Variants in ESR1 observed in about 807,000 individuals in gnomAD.
ESR1 encodes estrogen receptor.
Under a neutral mutation model 52.7 loss-of-function variants are expected in ESR1, and 12 were observed. The observed-to-expected ratio is 0.23, with a 90% CI of 0.15 to 0.37. The LOEUF (loss-of-function observed/expected upper bound fraction) is 0.37, where lower values mean the gene tolerates loss of function less well. Ranked by LOEUF, ESR1 falls within the 10% of genes least tolerant of loss-of-function variation. The probability of loss-of-function intolerance (pLI) is 1.00; values close to 1 mark genes in which losing one functional copy is unlikely to be tolerated. For synonymous variants in ESR1, 305 were observed against 316.8 expected (o/e 0.96, Z 0.39); for missense variants, 584 against 779.7 (o/e 0.75, Z 2.99).
At chr6:151,861,003 GC>G (rs987504418) in intron 2 of ESR1, among the ~76,000 whole-genome samples, 1 of 151,872 alleles carries the variant, frequency 6.6e-6, no homozygotes, top group African/African-American at 2.4e-5. Context: ...TTGCTACATT[GC>G]CCTTTTTTGT....
At chr6:151,686,282 A>C (rs1457374099), upstream of ESR1, among the ~76,000 whole-genome samples, 1 of 152,158 alleles carries the variant, frequency 6.6e-6, no homozygotes, top group East Asian at 1.9e-4. Flanking sequence ...AGTAAAAGAC[A>C]GTATACAGTG....
rs2152496207 is a variant in ESR1 at position 152,094,476 on chromosome 6, C to T, written c.1461C>T (p.Ile487=). 1 of 1,614,156 alleles carries T rather than the reference C, an allele frequency of 6.2e-7. No individual in the cohort carries two copies. Among genetic ancestry groups the T allele is most frequent in the Non-Finnish European group, 8.5e-7 (1 of 1,179,998 alleles). ...RVLDKITDTL[I]HLMAKAGLTL... is the part of the protein sequence containing the mutation. ...TGGACAAGATCACAGACACTTTGAT[C>T]CACCTGATGGCCAAGGCAGGCCTGA... The change falls in exon 7 of 8, where the codon ATC becomes ATT. Residue 487 remains isoleucine, a synonymous_variant. Coordinates refer to ENST00000206249, the MANE Select transcript of ESR1 (RefSeq NM_000125.4). The surrounding 1 kb of genome is among the most constrained non-coding windows in gnomAD (Gnocchi z 4.6).
At chr6:151,785,711 C>A (rs1424721377) in intron 2 of ESR1, among the ~76,000 whole-genome samples, 3 of 152,136 alleles carry the variant, frequency 2.0e-5, no homozygotes, top group South Asian at 4.1e-4. Context: ...TCACTCTGGG[C>A]AAGCCATTGA....
At chr6:151,956,928 G>A (rs897747878) in intron 4 of ESR1, among the ~76,000 whole-genome samples, 19 of 148,576 alleles carry the variant, frequency 1.3e-4, no homozygotes, top group Non-Finnish European at 1.0e-4. Context: ...CCAGGCTGGA[G>A]TGCAGTGGCA....
chr6:152,073,861 G>A (rs1045203920), intron 6 of ESR1, among the ~76,000 whole-genome samples: 10 of 151,906 alleles, frequency 6.6e-5, no homozygotes, highest in South Asian at 4.2e-4. Flanking sequence ...ACTTCCTTTC[G>A]CCTCAGTTTC....
At chr6:151,940,646 C>T (rs942354799) in intron 3 of ESR1, among the ~76,000 whole-genome samples, 5 of 152,194 alleles carry the variant, frequency 3.3e-5, no homozygotes, top group African/African-American at 1.2e-4. Flanking sequence ...AATGTGACAT[C>T]CTTTCTTAGA....
At chr6:152,034,323 G>C (rs1169588412) in intron 5 of ESR1, among the ~76,000 whole-genome samples, 2 of 142,106 alleles carry the variant, frequency 1.4e-5, no homozygotes, top group Non-Finnish European at 3.2e-5. Context: ...ATAAATACTA[G>C]TTTGGCTGCA....
intron 2 of ESR1, among the ~76,000 whole-genome samples, chr6:151,773,735 C>T (rs1785712667): frequency 6.6e-6 from 1 of 152,182 alleles, no homozygotes; most frequent in Non-Finnish European, 1.5e-5. Flanking sequence ...TTATGAGACC[C>T]TGCTTGTTGT....
chr6:151,707,080 C>CA (rs1248872017), intron 2 of ESR1, among the ~76,000 whole-genome samples: 9 of 152,182 alleles, frequency 5.9e-5, no homozygotes, highest in Admixed American at 3.9e-4. Context: ...GCATTGGAGG[C>CA]AGGCTGTGCC....
intron 5 of ESR1, among the ~76,000 whole-genome samples, chr6:152,046,574 A>C (rs749034183): frequency 2.6e-5 from 4 of 152,190 alleles, no homozygotes; most frequent in Non-Finnish European, 4.4e-5. Flanking sequence ...ACAAAGTAGA[A>C]ACTATATGGT....
chr6:151,923,341 A>G (rs938365998), intron 3 of ESR1, among the ~76,000 whole-genome samples: 3 of 152,196 alleles, frequency 2.0e-5, no homozygotes, highest in African/African-American at 7.2e-5. Flanking sequence ...TTTGTTCTGT[A>G]AAGCTTTATG....
intron 6 of ESR1, among the ~76,000 whole-genome samples, chr6:152,072,163 T>C (rs1448018771): frequency 6.6e-6 from 1 of 152,232 alleles, no homozygotes; most frequent in African/African-American, 2.4e-5. Flanking sequence ...ACATCTCCTT[T>C]TGAAACAAAT....
chr6:152,099,815 G>A lies in ESR1; in HGVS notation c.*849G>A, dbSNP rs2050898869. On this transcript the variant is annotated 3_prime_UTR_variant, in exon 8 of 8. Coordinates refer to ENST00000206249, the MANE Select transcript of ESR1 (RefSeq NM_000125.4). Reference sequence around the variant, plus strand: ...AAAGCCCTCCCTCCCTGAACTTGCAGTAAGGTCAGCTTCAGGACCTGTTCC... The same window carrying A: ...AAAGCCCTCCCTCCCTGAACTTGCAATAAGGTCAGCTTCAGGACCTGTTCC... The A allele has an allele frequency of 2.5e-6, 1 of 395,262 alleles. No homozygotes were observed. The highest frequency in any genetic ancestry group is 2.1e-5 in the African/African-American group (1 of 48,722). 24.5% of individuals were successfully genotyped at this position (395,262 alleles called of 1,614,324 possible). A position where few individuals can be genotyped will look rare whatever the true frequency, so the allele number is the denominator to read the frequency against.
chr6:151,724,544 C>A (rs1781698673), intron 2 of ESR1, among the ~76,000 whole-genome samples: 1 of 151,940 alleles, frequency 6.6e-6, no homozygotes, highest in African/African-American at 2.4e-5. Flanking sequence ...CTAACCTGAA[C>A]AATAGACACC....
At chr6:151,819,747 G>C (rs1211339934) in intron 1 of ESR1, among the ~76,000 whole-genome samples, 1 of 152,160 alleles carries the variant, frequency 6.6e-6, no homozygotes, top group East Asian at 1.9e-4. Context: ...TAAATGTGAT[G>C]CACTGGAATC....
chr6:151,882,159 G>A (rs2128337901), intron 3 of ESR1, among the ~76,000 whole-genome samples: 1 of 152,286 alleles, frequency 6.6e-6, no homozygotes, highest in African/African-American at 2.4e-5. Context: ...GGAAGGAGAG[G>A]AAAGACCAAG....
intron 2 of ESR1, among the ~76,000 whole-genome samples, chr6:151,736,696 G>A (rs749808683): frequency 6.6e-6 from 1 of 151,962 alleles, no homozygotes. Context: ...TGTTCTAAGG[G>A]GCATGCTTCC....
chr6:151,729,084 A>G (rs1435230772), intron 2 of ESR1, among the ~76,000 whole-genome samples: 2 of 152,204 alleles, frequency 1.3e-5, no homozygotes, highest in African/African-American at 4.8e-5. Context: ...GTATGTTGAA[A>G]TGCTAACTCT....
intron 2 of ESR1, among the ~76,000 whole-genome samples, chr6:151,876,538 A>C (rs1332484016): frequency 6.6e-6 from 1 of 152,214 alleles, no homozygotes; most frequent in Non-Finnish European, 1.5e-5. Flanking sequence ...TAACAAATGC[A>C]GACTTTCTGT....
Sources: allele counts gnomAD v4.1 joint callset (sites outside exome capture counted in the v4.1 genomes callset), GRCh38; gene constraint gnomAD v4.1.1; non-coding constraint Gnocchi (gnomAD v3.1); transcripts MANE v1.5; gene names NCBI Gene and HGNC (gene_info 2026-07-23, HGNC 2026-07-21).